Variants in CUBN observed in about 807,000 individuals in gnomAD.
CUBN encodes 460 kDa receptor.
Under a neutral mutation model 405.3 loss-of-function variants are expected in CUBN, and 282 were observed. The ratio of observed to expected loss-of-function variants is 0.70; its 90% CI spans 0.63 to 0.77. CUBN has a LOEUF of 0.77. Among genes scored for constraint, CUBN ranks in the 30% least tolerant of loss-of-function variants. The pLI, the probability that CUBN is intolerant of heterozygous loss-of-function variation, is 0.00. For missense variants in CUBN, 4,514 were observed against 4,475.2 expected (o/e 1.01, Z -0.25); for synonymous variants, 1,684 against 1,617.0 (o/e 1.04, Z -0.99).
rs527327584 is a variant in CUBN, at chr10:16,840,486, T to A, written c.9876A>T (p.Ser3292=). The change falls in exon 62 of 67, where the codon TCA becomes TCT. Residue 3292 remains serine, a synonymous_variant. Coordinates refer to ENST00000377833, the MANE Select transcript of CUBN (RefSeq NM_001081.4). The part of the protein sequence containing the change: ...YNATWTPQNI[S]SPNSSDPDVP... The stretch of plus-strand genomic sequence containing the variant: ...CATCTGGGTCTGATGAATTGGGTGA[T>A]GAAATATTTTGTGGGGTCCAAGTTG... 6.2e-7 allele frequency: 1 copy of A among 1,612,992 alleles called. No individual in the cohort carries two copies. Among genetic ancestry groups the A allele is most frequent in the Non-Finnish European group, 8.5e-7 (1 of 1,179,466 alleles).
rs779666782 is a variant in CUBN, at chr10:17,127,914, T to C, written c.263A>G (p.Asn88Ser). The C allele has an allele frequency of 7.5e-6, 12 of 1,599,872 alleles. No individual in the cohort carries two copies. The highest frequency in any genetic ancestry group is 1.0e-5 in the Non-Finnish European group (12 of 1,168,490). Residue 88 changes from asparagine to serine, a missense_variant, in exon 3 of 67, where the codon AAC becomes AGC. Coordinates refer to ENST00000377833, the MANE Select transcript of CUBN (RefSeq NM_001081.4). ...LSECLHQIQKNKEDIIELKGS... is the reference protein window; with the variant it reads ...LSECLHQIQKSKEDIIELKGS... ...TTTTAACTCTATAATATCTTCTTTG[T>C]TTTTCTGGATCTAATTTTAGAAAAA...
intron 28 of CUBN, among the ~76,000 whole-genome samples, chr10:16,992,240 A>G (rs559081976): frequency 1.0e-4 from 15 of 144,008 alleles, no homozygotes; most frequent in African/African-American, 3.7e-4. Flanking sequence ...AAGGTCTGTC[A>G]TGGGGTGGGG....
At chr10:16,923,512 T>C (rs1311094733) in intron 43 of CUBN, among the ~76,000 whole-genome samples, 2 of 151,898 alleles carry the variant, frequency 1.3e-5, no homozygotes, top group African/African-American at 4.8e-5. Context: ...CAATCTTGAG[T>C]TGGTAAGTAG....
At chr10:16,935,593 G>C (rs1216275710) in intron 39 of CUBN, among the ~76,000 whole-genome samples, 1 of 152,026 alleles carries the variant, frequency 6.6e-6, no homozygotes, top group East Asian at 1.9e-4. Flanking sequence ...AATGCTGATA[G>C]GACAGGACGG....
In CUBN at chr10:16,990,341, A is replaced by T; in HGVS notation, c.4343T>A (p.Val1448Asp). Reference sequence around the variant, plus strand: ...AACCATCTCACTTCCTACCTCCAAGACATCAAAGTTGCACCTTGAATGATA... The same window carrying T: ...AACCATCTCACTTCCTACCTCCAAGTCATCAAAGTTGCACCTTGAATGATA... ...VEYHSRCNFD[V>D]LEIYGGPDFH... The change falls in exon 29 of 67, where the codon GTC (valine) becomes GAC (aspartate). Residue 1448 changes from valine to aspartate, a missense_variant. Transcript: ENST00000377833. 6.2e-7 allele frequency: 1 copy of T among 1,614,112 alleles called. No individual in the cohort carries two copies. The highest frequency in any genetic ancestry group is 8.5e-7 in the Non-Finnish European group (1 of 1,179,950).
intron 28 of CUBN, among the ~76,000 whole-genome samples, chr10:16,995,367 A>G (rs1269009343): frequency 1.3e-5 from 2 of 152,338 alleles, no homozygotes; most frequent in East Asian, 1.9e-4. Context: ...CCTTTCTTTC[A>G]TCTATAGCTG....
chr10:17,105,598 G>T, intron 10 of CUBN, 23 bp from the exon 11 acceptor site: 2 of 1,317,656 alleles, frequency 1.5e-6, no homozygotes, highest in Non-Finnish European at 2.2e-6. Context: ...AAAAACAAAC[G>T]TGTAAATACA....
At chr10:17,047,685 A>G (rs1835171388) in intron 22 of CUBN, 82 bp from the exon 23 acceptor site, 2 of 1,271,014 alleles carry the variant, frequency 1.6e-6, no homozygotes, top group Non-Finnish European at 1.1e-6. Context: ...GTATTTCATT[A>G]ATTTGTGCCT....
rs200726248 is a variant in CUBN, at chr10:17,115,613, G to A, written c.594-16C>T. The A allele has an allele frequency of 2.1e-4, 343 of 1,614,014 alleles. No individual in the cohort carries two copies. Among genetic ancestry groups the A allele is most frequent in the Non-Finnish European group, 2.7e-4 (319 of 1,179,992 alleles). On this transcript the variant is annotated splice_polypyrimidine_tract_variant and intron_variant, in intron 6 of 66. Coordinates refer to ENST00000377833, the MANE Select transcript of CUBN (RefSeq NM_001081.4). Reference sequence around the variant, plus strand: ...GCAGTGACAACTGTTGGTTACACAAGAGCACAATGTCAGGGCACGCGCTTT... The same window carrying A: ...GCAGTGACAACTGTTGGTTACACAAAAGCACAATGTCAGGGCACGCGCTTT...
At chr10:16,837,529 C>G (rs535060495) in intron 62 of CUBN, among the ~76,000 whole-genome samples, 16 of 152,222 alleles carry the variant, frequency 1.1e-4, no homozygotes, top group African/African-American at 3.6e-4. Flanking sequence ...CTTTCTGAAC[C>G]CTTTAGAGGT....
intron 16 of CUBN, among the ~76,000 whole-genome samples, chr10:17,085,381 C>T (rs1836083180): frequency 6.6e-6 from 1 of 151,984 alleles, no homozygotes; most frequent in Non-Finnish European, 1.5e-5. Context: ...TGATGTGGAT[C>T]CCATAATTTA....
chr10:17,116,463 C>T lies in CUBN; in HGVS notation c.594-866G>A, dbSNP rs75727779. Among the ~76,000 whole-genome samples the T allele has an allele frequency of 2.8e-3, 425 of 152,160 alleles. 3 individuals are homozygous for T. The highest frequency in any genetic ancestry group is 9.8e-3 in the African/African-American group (405 of 41,514). ...AGGTAGGGCCAGGCCCAGAGGTTGC[C>T]GATTGCCGGACTTGAGCAGAATTGG... On this transcript the variant is annotated intron_variant, in intron 6 of 66. Coordinates refer to ENST00000377833, the MANE Select transcript of CUBN (RefSeq NM_001081.4).
chr10:17,085,934 C>A (rs542261567), intron 15 of CUBN, among the ~76,000 whole-genome samples, 175 bp from the exon 16 acceptor site: 20 of 152,034 alleles, frequency 1.3e-4, no homozygotes, highest in African/African-American at 4.3e-4. Context: ...GTCTCCTTCT[C>A]CCATCACCCC....
At chr10:17,026,643 T>A (rs7907804) in intron 27 of CUBN, among the ~76,000 whole-genome samples, 30,946 of 112,382 alleles carry the variant, frequency 0.28, 3,859 homozygotes, top group South Asian at 0.41. Flanking sequence ...AAAAAAAAAA[T>A]AAATAAATAA....
intron 47 of CUBN, 134 bp from the exon 48 acceptor site, chr10:16,914,126 A>G (rs190608546): frequency 8.3e-5 from 80 of 959,136 alleles, no homozygotes; most frequent in Non-Finnish European, 7.4e-5. Flanking sequence ...ATTTATGTGC[A>G]TGAGGATTTT....
chr10:17,010,899 G>A (rs986090055), intron 28 of CUBN, among the ~76,000 whole-genome samples: 15 of 152,196 alleles, frequency 9.9e-5, no homozygotes, highest in African/African-American at 3.1e-4. Flanking sequence ...GGGCTATTCA[G>A]TTATAAGTAG....
chr10:16,913,408 C>T (rs1841789306), intron 48 of CUBN, among the ~76,000 whole-genome samples: 1 of 152,138 alleles, frequency 6.6e-6, no homozygotes, highest in Non-Finnish European at 1.5e-5. Context: ...ACCAAGAGTC[C>T]CTCTGTACCC....
chr10:17,127,261 TTTC>T (rs202168898), intron 3 of CUBN, among the ~76,000 whole-genome samples: 2,742 of 57,924 alleles, frequency 0.047, 96 homozygotes, highest in African/African-American at 0.13. Context: ...TCTCTCTCTC[TTTC>T]TTTTTTTTTT....
intron 59 of CUBN, among the ~76,000 whole-genome samples, chr10:16,868,345 C>T (rs933899237): frequency 1.3e-5 from 2 of 152,130 alleles, no homozygotes; most frequent in African/African-American, 4.8e-5. Context: ...AGGTAAACTC[C>T]GTTTTGCATC....
Sources: gnomAD v4.1 joint callset for allele counts (sites outside exome capture counted in the v4.1 genomes callset) on GRCh38, gnomAD v4.1.1 for gene constraint, MANE v1.5 for transcripts, NCBI Gene and HGNC (gene_info 2026-07-23, HGNC 2026-07-21) for gene names.